The following HCRTR2 variants were observed in gnomAD, a reference collection of about 807,000 sequenced individuals.
The protein encoded by HCRTR2 is orexin receptor type 2.
HCRTR2 carries 22 observed loss-of-function variants against 49.0 expected under a neutral mutation model. The ratio of observed to expected loss-of-function variants is 0.45; its 90% CI spans 0.32 to 0.64. The LOEUF (loss-of-function observed/expected upper bound fraction) is 0.64, where lower values mean the gene tolerates loss of function less well. Among genes scored for constraint, HCRTR2 ranks in the 30% least tolerant of loss-of-function variants. The probability of loss-of-function intolerance (pLI) is 0.04; values close to 1 mark genes in which losing one functional copy is unlikely to be tolerated. For synonymous variants in HCRTR2, 236 were observed against 205.3 expected (o/e 1.15, Z -1.28); for missense variants, 491 against 559.4 (o/e 0.88, Z 1.23).
At chr6:55,184,617 T>G (rs964445059) in intron 1 of HCRTR2, among the ~76,000 whole-genome samples, 2 of 152,204 alleles carry the variant, frequency 1.3e-5, no homozygotes, top group Non-Finnish European at 2.9e-5. Context: ...TGACCCCAAG[T>G]GAGCCCTTAG....
chr6:55,283,780 G>A (rs1347058069), downstream of HCRTR2, among the ~76,000 whole-genome samples: 2 of 152,036 alleles, frequency 1.3e-5, no homozygotes, highest in East Asian at 3.9e-4. Context: ...AACTTTCATA[G>A]AAAATTAATT....
intron 1 of HCRTR2, among the ~76,000 whole-genome samples, chr6:55,225,015 C>A (rs1406033689): frequency 1.3e-5 from 2 of 152,100 alleles, no homozygotes; most frequent in Non-Finnish European, 2.9e-5. Flanking sequence ...GTTTTTGACA[C>A]AAAAACTGAT....
chr6:55,227,991 G>A (rs1296464564), intron 1 of HCRTR2, among the ~76,000 whole-genome samples: 1 of 152,090 alleles, frequency 6.6e-6, no homozygotes, highest in African/African-American at 2.4e-5. Flanking sequence ...AAGATGAGGT[G>A]GTAGCTTACT....
intron 1 of HCRTR2, among the ~76,000 whole-genome samples, chr6:55,237,141 G>C (rs911229453): frequency 2.0e-4 from 30 of 151,328 alleles, no homozygotes; most frequent in Middle Eastern, 3.4e-3. Flanking sequence ...TAATTTCCTT[G>C]GACTATTTTT....
At chr6:55,163,154 G>A (rs1030682673) in intron 1 of HCRTR2, among the ~76,000 whole-genome samples, 9 of 151,876 alleles carry the variant, frequency 5.9e-5, no homozygotes, top group Admixed American at 1.3e-4. Flanking sequence ...GGAGAATGGC[G>A]TGAACCCAGG....
intron 1 of HCRTR2, among the ~76,000 whole-genome samples, chr6:55,115,879 A>G (rs528579791): frequency 6.6e-6 from 1 of 151,678 alleles, no homozygotes; most frequent in South Asian, 2.1e-4. Flanking sequence ...TTCAATTACT[A>G]CATCTCTTTT....
At chr6:55,213,251 TCAGG>T (rs1765727578) in intron 1 of HCRTR2, among the ~76,000 whole-genome samples, 1 of 152,188 alleles carries the variant, frequency 6.6e-6, no homozygotes, top group Non-Finnish European at 1.5e-5. Flanking sequence ...TCTTGGGGTT[TCAGG>T]GATATTGTTT....
chr6:55,263,817 C>A lies in HCRTR2; in HGVS notation c.757C>A (p.Arg253=). The A allele has an allele frequency of 1.3e-6, 2 of 1,580,642 alleles. No homozygotes were observed. Among genetic ancestry groups the A allele is most frequent in the Middle Eastern group, 1.7e-4 (1 of 5,994 alleles). ...GCAAATATTTCGCAAACTCTGGTGT[C>A]GACAGGTATATAGTTTCAAATATTT... ...YLQIFRKLWC[R]QIPGTSSVVQ... is the part of the protein sequence containing the mutation. The change falls in exon 4 of 7, where the codon CGA becomes AGA. Residue 253 remains arginine (R), a synonymous_variant. Coordinates refer to ENST00000370862, the MANE Select transcript of HCRTR2 (RefSeq NM_001384272.1).
intron 1 of HCRTR2, among the ~76,000 whole-genome samples, chr6:55,218,464 A>T (rs1476453940): frequency 6.6e-6 from 1 of 152,228 alleles, no homozygotes; most frequent in Non-Finnish European, 1.5e-5. Flanking sequence ...GACAAAGATT[A>T]GCTGACTGGA....
intron 1 of HCRTR2, among the ~76,000 whole-genome samples, chr6:55,149,989 A>G (rs949072424): frequency 6.6e-6 from 1 of 152,006 alleles, no homozygotes; most frequent in Admixed American, 6.6e-5. Flanking sequence ...CAAATTAAAG[A>G]TTCTATCTTT....
At chr6:55,153,116 T>A (rs1303586050) in intron 1 of HCRTR2, among the ~76,000 whole-genome samples, 3 of 152,048 alleles carry the variant, frequency 2.0e-5, no homozygotes, top group Admixed American at 1.3e-4. Context: ...CATATGGATA[T>A]CCAGTTTTCA....
chr6:55,122,673 T>G (rs906714051), intron 1 of HCRTR2, among the ~76,000 whole-genome samples: 4 of 152,204 alleles, frequency 2.6e-5, no homozygotes, highest in Non-Finnish European at 5.9e-5. Flanking sequence ...CACACATATG[T>G]TTATTGTGGC....
chr6:55,144,093 T>G, intron 1 of HCRTR2, among the ~76,000 whole-genome samples: 1 of 144,260 alleles, frequency 6.9e-6, no homozygotes, highest in African/African-American at 2.6e-5. Context: ...TTCTTTCCCG[T>G]CCTGCCTTTT....
rs184046896 is a variant in HCRTR2, at chr6:55,178,567, A to G, written c.223+3757A>G. 4.6e-5 allele frequency among the ~76,000 whole-genome samples: 7 copies of G among 152,148 alleles called. No homozygotes were observed. In the East Asian group the frequency reaches 1.4e-3, roughly 29 times the overall value. ...AATTAATGTCAATTTTTATCCCTTA[A>G]TTTTCATGACTGAACTTTTTGTGAT... On this transcript the variant is annotated intron_variant, in intron 1 of 6. Coordinates refer to ENST00000370862, the MANE Select transcript of HCRTR2 (RefSeq NM_001384272.1).
chr6:55,137,486 G>A (rs1764448783), intron 1 of HCRTR2, among the ~76,000 whole-genome samples: 1 of 152,098 alleles, frequency 6.6e-6, no homozygotes, highest in South Asian at 2.1e-4. Flanking sequence ...CTGAGAGCAA[G>A]ACATTACAAA....
At chr6:55,178,007 C>T (rs1477384241) in intron 1 of HCRTR2, among the ~76,000 whole-genome samples, 1 of 152,116 alleles carries the variant, frequency 6.6e-6, no homozygotes, top group African/African-American at 2.4e-5. Flanking sequence ...CCACCTATAA[C>T]CTATTCCTAA....
At chr6:55,274,446 G>T (rs1333241580) in intron 4 of HCRTR2, among the ~76,000 whole-genome samples, 1 of 150,534 alleles carries the variant, frequency 6.6e-6, no homozygotes, top group Non-Finnish European at 1.5e-5. Flanking sequence ...TGATTTTTTT[G>T]TTTATTGATT....
intron 1 of HCRTR2, among the ~76,000 whole-genome samples, chr6:55,106,698 T>C (rs1277620865): frequency 6.6e-6 from 1 of 152,176 alleles, no homozygotes; most frequent in Non-Finnish European, 1.5e-5. Flanking sequence ...CCACCATTTT[T>C]CAACTTTTTG....
At chr6:55,116,977 G>A (rs1764127180) in intron 1 of HCRTR2, among the ~76,000 whole-genome samples, 1 of 151,662 alleles carries the variant, frequency 6.6e-6, no homozygotes, top group Non-Finnish European at 1.5e-5. Flanking sequence ...AAAGACCGGG[G>A]CACTCCATCT....
Sources: allele counts gnomAD v4.1 joint callset (sites outside exome capture counted in the v4.1 genomes callset), GRCh38; gene constraint gnomAD v4.1.1; transcripts MANE v1.5; gene names NCBI Gene and HGNC (gene_info 2026-07-23, HGNC 2026-07-21).